FAM210A: variants seen among roughly 807,000 people sequenced by gnomAD.
The protein encoded by FAM210A is family with sequence similarity 210 member A.
Under a neutral mutation model 25.3 loss-of-function variants are expected in FAM210A, and 13 were observed. The observed-to-expected ratio is 0.51, with a 90% CI of 0.33 to 0.82. The LOEUF (loss-of-function observed/expected upper bound fraction) is 0.82. FAM210A is among the 40% of genes least tolerant of loss of function. The probability of loss-of-function intolerance (pLI) is 0.02; values close to 1 mark genes in which losing one functional copy is unlikely to be tolerated. For missense variants in FAM210A, 319 were observed against 323.2 expected, an observed-to-expected ratio of 0.99 and a Z score of 0.10; for synonymous variants, 125 against 118.7, an observed-to-expected ratio of 1.05 and a Z score of -0.35.
intron 1 of FAM210A, among the ~76,000 whole-genome samples, chr18:13,699,339 A>G (rs2043720405): frequency 6.6e-6 from 1 of 152,206 alleles, no homozygotes; most frequent in South Asian, 2.1e-4. Context: ...AACAAGCTGA[A>G]TTAAGGATGA....
chr18:13,719,739 AAT>A (rs1396806567), intron 1 of FAM210A, among the ~76,000 whole-genome samples: 1 of 150,230 alleles, frequency 6.7e-6, no homozygotes, highest in Non-Finnish European at 1.5e-5. Context: ...AAAAAAAAAA[AAT>A]CACTCTATTT....
intron 1 of FAM210A, among the ~76,000 whole-genome samples, chr18:13,718,217 GC>G: frequency 6.6e-6 from 1 of 152,156 alleles, no homozygotes; most frequent in Non-Finnish European, 1.5e-5. Context: ...TTGTTACACA[GC>G]AACAGAAAAT....
chr18:13,725,637 G>A (rs2043935974), intron 1 of FAM210A, among the ~76,000 whole-genome samples: 1 of 152,192 alleles, frequency 6.6e-6, no homozygotes, highest in Admixed American at 6.5e-5. Context: ...ACGTTAATAT[G>A]CACACGCTTC....
intron 1 of FAM210A, among the ~76,000 whole-genome samples, chr18:13,721,955 TAGC>T (rs1339255218): frequency 2.0e-5 from 3 of 152,114 alleles, no homozygotes; most frequent in Non-Finnish European, 4.4e-5. Flanking sequence ...TATAAATTCT[TAGC>T]AGCGCAATGG....
chr18:13,684,202 C>T (rs752195467), intron 1 of FAM210A, among the ~76,000 whole-genome samples: 1 of 152,114 alleles, frequency 6.6e-6, no homozygotes, highest in African/African-American at 2.4e-5. Context: ...CGAGACCAGT[C>T]TGGCCAACAT....
At chr18:13,692,612 G>A (rs1205629988) in intron 1 of FAM210A, among the ~76,000 whole-genome samples, 2 of 151,912 alleles carry the variant, frequency 1.3e-5, no homozygotes, top group Non-Finnish European at 2.9e-5. Context: ...ACTCAAAACT[G>A]CTCAACTACA....
chr18:13,712,555 C>A (rs1010843097), intron 1 of FAM210A, among the ~76,000 whole-genome samples: 2 of 152,118 alleles, frequency 1.3e-5, no homozygotes, highest in Non-Finnish European at 2.9e-5. Context: ...GAGGGCAGAG[C>A]ATTCCTGAAT....
intron 3 of FAM210A, among the ~76,000 whole-genome samples, chr18:13,669,397 C>T (rs145013142): frequency 2.1e-4 from 32 of 152,246 alleles, no homozygotes; most frequent in African/African-American, 7.2e-4. Context: ...CATTCTCTGC[C>T]CTGTTCACTG....
At chr18:13,719,192 T>A (rs1174138387) in intron 1 of FAM210A, among the ~76,000 whole-genome samples, 1 of 152,046 alleles carries the variant, frequency 6.6e-6, no homozygotes, top group Non-Finnish European at 1.5e-5. Flanking sequence ...ATCTAATTCC[T>A]CTAATTTTAA....
chr18:13,682,192 A>C (rs1022511531), intron 1 of FAM210A, 87 bp from the exon 2 acceptor site: 85 of 902,568 alleles, frequency 9.4e-5, no homozygotes, highest in Non-Finnish European at 3.8e-5. Flanking sequence ...ATTAACCATT[A>C]GGAAGTAAAA....
At chr18:13,707,250 G>A (rs976754815) in intron 1 of FAM210A, among the ~76,000 whole-genome samples, 1 of 152,182 alleles carries the variant, frequency 6.6e-6, no homozygotes, top group East Asian at 1.9e-4. Flanking sequence ...GAACAGAAGG[G>A]GGAATTTTTT....
intron 2 of FAM210A, among the ~76,000 whole-genome samples, chr18:13,673,692 C>A (rs2043464360): frequency 7.0e-6 from 1 of 143,608 alleles, no homozygotes; most frequent in Admixed American, 7.0e-5. Context: ...TGAGCCGTGA[C>A]TTATTTCCAG....
chr18:13,687,345 A>T (rs1046817962), intron 1 of FAM210A, among the ~76,000 whole-genome samples: 2 of 152,300 alleles, frequency 1.3e-5, no homozygotes, highest in South Asian at 4.2e-4. Context: ...TACCTTTCTA[A>T]AAGTGATAAA....
chr18:13,690,111 G>A (rs186848770), intron 1 of FAM210A, among the ~76,000 whole-genome samples: 76 of 152,296 alleles, frequency 5.0e-4, no homozygotes, highest in African/African-American at 1.8e-3. Context: ...ATTATATCCC[G>A]TGCCTGGCTC....
chr18:13,718,770 A>C (rs2043879035), intron 1 of FAM210A, among the ~76,000 whole-genome samples: 1 of 152,248 alleles, frequency 6.6e-6, no homozygotes, highest in Non-Finnish European at 1.5e-5. Flanking sequence ...TTAAACCAAA[A>C]AAAGACATAT....
intron 1 of FAM210A, among the ~76,000 whole-genome samples, chr18:13,692,471 A>C (rs2043654315): frequency 6.6e-6 from 1 of 151,894 alleles, no homozygotes; most frequent in Non-Finnish European, 1.5e-5. Context: ...GCACCACATC[A>C]CACTTATTCC....
chr18:13,726,142 G>A (rs1310355754), intron 1 of FAM210A, among the ~76,000 whole-genome samples, 187 bp downstream of exon 1: 1 of 152,162 alleles, frequency 6.6e-6, no homozygotes, highest in Non-Finnish European at 1.5e-5. Context: ...CTCGGCCGCC[G>A]GGGTCTGTGG....
intron 1 of FAM210A, among the ~76,000 whole-genome samples, chr18:13,699,729 G>A (rs1974793563): frequency 6.6e-6 from 1 of 152,134 alleles, no homozygotes; most frequent in Non-Finnish European, 1.5e-5. Context: ...GTAAAATTAA[G>A]TTATCCTTTT....
intron 1 of FAM210A, among the ~76,000 whole-genome samples, chr18:13,699,891 C>T (rs1363487405): frequency 6.6e-6 from 1 of 152,114 alleles, no homozygotes; most frequent in African/African-American, 2.4e-5. Context: ...TAAACTTTTG[C>T]CATTATTTAA....
Sources: allele counts gnomAD v4.1 joint callset (sites outside exome capture counted in the v4.1 genomes callset), GRCh38; gene constraint gnomAD v4.1.1; transcripts MANE v1.5; gene names NCBI Gene and HGNC (gene_info 2026-07-23, HGNC 2026-07-21).